SH3TC1: variants seen among roughly 807,000 people sequenced by gnomAD.
SH3TC1 encodes the protein SH3 domain and tetratricopeptide repeats 1.
A neutral mutation model predicts 117.3 loss-of-function variants in SH3TC1; 135 were observed. The ratio of observed to expected loss-of-function variants is 1.15; its 90% confidence interval spans 1.00 to 1.33. The LOEUF is 1.33. Ranked by LOEUF, SH3TC1 falls within the 40% of genes most tolerant of loss-of-function variation. The probability of loss-of-function intolerance (pLI) is 0.00; values close to 1 mark genes in which losing one functional copy is unlikely to be tolerated. For missense variants in SH3TC1, 2,092 were observed against 1,794.3 expected (o/e 1.17, Z -3.00); for synonymous variants, 898 against 816.9 (o/e 1.10, Z -1.69).
Position 8,205,252 on chromosome 4 carries a change from G to A in SH3TC1, c.58G>A (p.Val20Met). The A allele has an allele frequency of 2.6e-6, 4 of 1,550,564 alleles. No individual in the cohort carries two copies. The highest frequency in any genetic ancestry group is 3.5e-6 in the Non-Finnish European group (4 of 1,147,146). ...EEPTPMGRGP[V>M]GPSGGGSTRD... ...GCCGACCCCCATGGGGAGGGGTCCT[G>A]TGGGACCCTCAGGAGGTGGCAGCAC... is the stretch of plus-strand genomic sequence containing the variant. The change falls in exon 2 of 18, where the codon GTG (valine) becomes ATG (methionine). Residue 20 changes from valine to methionine, a missense_variant. Transcript: ENST00000245105. The surrounding 1 kb of genome is among the most constrained non-coding windows in gnomAD (Gnocchi z 5.4).
intron 16 of SH3TC1, chr4:8,236,653 T>TC (rs1013525259): frequency 8.3e-6 from 4 of 479,756 alleles, no homozygotes; most frequent in African/African-American, 8.1e-5. Flanking sequence ...CTGTGCCTCT[T>TC]CCCCCTGCTG....
chr4:8,185,186 A>G (rs1233180936), intron 1 of SH3TC1, among the ~76,000 whole-genome samples: 1 of 152,028 alleles, frequency 6.6e-6, no homozygotes, highest in Non-Finnish European at 1.5e-5. Flanking sequence ...AAATACAAAA[A>G]TTAGCCAGGA....
At chr4:8,235,305 G>A in intron 14 of SH3TC1, 128 bp from the exon 15 acceptor site, 3 of 1,184,502 alleles carry the variant, frequency 2.5e-6, no homozygotes, top group South Asian at 5.6e-5. Context: ...TAATGCACAG[G>A]GTCTGAAAAA....
chr4:8,216,189 C>A lies in SH3TC1; in HGVS notation c.560C>A (p.Thr187Lys). 6.2e-7 allele frequency: 1 copy of A among 1,613,842 alleles called. No homozygotes were observed. The highest frequency in any genetic ancestry group is 8.5e-7 in the Non-Finnish European group (1 of 1,180,012). ...WLLLPSEEEE[T>K]AIQVHVDENA... is the part of the protein sequence containing the mutation. ...CTCTTGCCCAGTGAGGAGGAGGAGA[C>A]GGCCATCCAAGTCCATGTGGATGAG... The change falls in exon 6 of 18, where the codon ACG (threonine) becomes AAG (lysine). Residue 187 changes from threonine to lysine, a missense_variant. Physicochemically the swap from Thr to Lys is moderately conservative, Grantham distance 78. Transcript: ENST00000245105.
chr4:8,232,637 G>A lies in SH3TC1; in HGVS notation c.3131+481G>A. On this transcript the variant is annotated intron_variant, in intron 13 of 17. Coordinates refer to ENST00000245105, the MANE Select transcript of SH3TC1 (RefSeq NM_018986.5). ...TTTCAAGGTCTCACATCCCACATGTGGCCCACTTGGCTCTCCTGGAGCATC... is the reference window on the plus strand; with the variant it reads ...TTTCAAGGTCTCACATCCCACATGTAGCCCACTTGGCTCTCCTGGAGCATC... The A allele has an allele frequency of 1.0e-5, 13 of 1,306,444 alleles. No individual in the cohort carries two copies. The South Asian group carries it at 1.6e-4, about 16-fold the overall frequency. The allele number at this position is 1,306,444 out of a possible 1,614,324, so 80.9% of individuals were successfully genotyped here.
chr4:8,218,115 C>G, intron 7 of SH3TC1, 156 bp from the exon 8 acceptor site: 1 of 486,046 alleles, frequency 2.1e-6, no homozygotes, highest in East Asian at 3.2e-5. Flanking sequence ...CCTGGGCAGG[C>G]ATGTGTGTGT....
In SH3TC1 at chr4:8,228,532, C is replaced by T. The variant is rs778112970; in HGVS notation, c.2838C>T (p.Thr946=). 3 of 1,611,142 alleles carry T rather than the reference C, an allele frequency of 1.9e-6. No individual in the cohort carries two copies. The highest frequency in any genetic ancestry group is 3.3e-5 in the Admixed American group (2 of 59,906). Residue 946 remains threonine, a synonymous_variant, in exon 12 of 18, where the codon ACC becomes ACT. Coordinates refer to ENST00000245105, the MANE Select transcript of SH3TC1 (RefSeq NM_018986.5). ...TTGGGGAGTGTGGCCGGGACTTCAC[C>T]CACGTGCTCCTGCAGCTGGGCCATC... ...LPLGECGRDF[T]HVLLQLGHLC... is the part of the protein sequence containing the mutation.
Position 8,190,475 on chromosome 4 carries a change from C to G in SH3TC1, c.-57+8265C>G, listed in dbSNP as rs918630441. Among the ~76,000 whole-genome samples, 1 of 152,168 alleles carries G rather than the reference C, an allele frequency of 6.6e-6. No individual in the cohort carries two copies. Among genetic ancestry groups the G allele is most frequent in the Admixed American group, 6.5e-5 (1 of 15,280 alleles). On this transcript the variant is annotated intron_variant, in intron 1 of 16. Transcript: ENST00000508641. The surrounding 1 kb of genome is among the most constrained non-coding windows in gnomAD (Gnocchi z 4.7). ...GATTGGAGGTCCTGGGGGGACTCAT[C>G]TGTAAGCTGGGATCTGATGTCCCCG... is the stretch of plus-strand genomic sequence containing the variant.
chr4:8,198,822 C>G (rs1417344709), upstream of SH3TC1, among the ~76,000 whole-genome samples: 1 of 152,214 alleles, frequency 6.6e-6, no homozygotes, highest in African/African-American at 2.4e-5. Context: ...TGTGTGCATA[C>G]GTGTGCCTGT....
Position 8,219,341 on chromosome 4 carries a change from G to A in SH3TC1, c.923G>A (p.Gly308Asp), listed in dbSNP as rs1225552270. 10 of 1,589,420 alleles carry A rather than the reference G, an allele frequency of 6.3e-6. No homozygotes were observed. Among genetic ancestry groups the A allele is most frequent in the African/African-American group, 1.3e-5 (1 of 74,506 alleles). ...VMPGNPLMAV[G>D]LASALADFQG... The stretch of plus-strand genomic sequence containing the variant: ...ATGTGGCTTTCTTCCGCAGCTGTGG[G>A]CCTGGCCTCGGCATTGGCAGACTTC... Residue 308 changes from glycine to aspartate, a missense_variant, in exon 9 of 18, where the codon GGC (glycine) becomes GAC (aspartate). By Grantham distance (94) the Gly-to-Asp change is moderately conservative. Transcript: ENST00000245105.
At position 8,222,738 on chromosome 4, in the gene SH3TC1, C is replaced by T. The variant is rs578238798; in HGVS notation, c.1113-102C>T. The T allele has an allele frequency of 1.6e-4, 224 of 1,443,776 alleles. 3 individuals carry two copies. In the African/African-American group the frequency reaches 2.2e-3, roughly 14 times the overall value. The allele number at this position is 1,443,776 out of a possible 1,614,324, so 89.4% of individuals were successfully genotyped here. Reference sequence around the variant, plus strand: ...TACCCCTGGGCAGAGAGTAGTGCTCCGAGACTATCTGTCTGTCAAATCAAG... The same window carrying T: ...TACCCCTGGGCAGAGAGTAGTGCTCTGAGACTATCTGTCTGTCAAATCAAG... On this transcript the variant is annotated intron_variant, in intron 9 of 17. Transcript: ENST00000245105.
chr4:8,228,484 G>A lies in SH3TC1; in HGVS notation c.2790G>A (p.Val930=). 1 of 1,610,778 alleles carries A rather than the reference G, an allele frequency of 6.2e-7. No homozygotes were observed. Among genetic ancestry groups the A allele is most frequent in the South Asian group, 1.1e-5 (1 of 90,852 alleles). The part of the protein sequence containing the change: ...RLAQHYLLEA[V]RLFSRLPLGE... The stretch of plus-strand genomic sequence containing the variant: ...CCCAGCACTACCTCCTGGAGGCCGT[G>A]CGGCTGTTCTCGAGGCTGCCCCTTG... Residue 930 remains valine, a synonymous_variant, in exon 12 of 18, where the codon GTG becomes GTA. Coordinates refer to ENST00000245105, the MANE Select transcript of SH3TC1 (RefSeq NM_018986.5).
chr4:8,239,421 C>T (rs1053463956), intron 17 of SH3TC1, among the ~76,000 whole-genome samples: 20 of 134,336 alleles, frequency 1.5e-4, no homozygotes, highest in African/African-American at 4.3e-4. Context: ...CACAAATACA[C>T]AGGCACATGC....
rs1720633711 is a variant in SH3TC1 at position 8,227,661 on chromosome 4, T to G, written c.1967T>G (p.Val656Gly). 4 of 1,528,884 alleles carry G rather than the reference T, an allele frequency of 2.6e-6. No individual in the cohort carries two copies. Among genetic ancestry groups the G allele is most frequent in the Non-Finnish European group, 3.5e-6 (4 of 1,139,512 alleles). 94.7% of individuals were successfully genotyped at this position (1,528,884 alleles called of 1,614,324 possible). A position where few individuals can be genotyped will look rare whatever the true frequency, so the allele number is the denominator to read the frequency against. Reference sequence around the variant, plus strand: ...CTGCAGCTGGCGCTGCGGCGGGCGGTGGGTGGCCAGAGCCTGCAGGCCGAG... The same window carrying G: ...CTGCAGCTGGCGCTGCGGCGGGCGGGGGGTGGCCAGAGCCTGCAGGCCGAG... ...ELLQLALRRA[V>G]GGQSLQAEAR... Residue 656 changes from valine (V) to glycine (G), a missense_variant, in exon 12 of 18, where the codon GTG becomes GGG. Val to Gly is a moderately radical substitution (Grantham distance 109). Coordinates refer to ENST00000245105, the MANE Select transcript of SH3TC1 (RefSeq NM_018986.5).
intron 1 of SH3TC1, among the ~76,000 whole-genome samples, chr4:8,202,972 G>A (rs1410201383): frequency 6.6e-6 from 1 of 152,218 alleles, no homozygotes; most frequent in African/African-American, 2.4e-5. Flanking sequence ...TGGGGCCTGG[G>A]AGGCCAGTTC....
intron 12 of SH3TC1, chr4:8,229,154 CAG>C (rs60835829): frequency 0.016 from 2,413 of 154,218 alleles, 44 homozygotes; most frequent in African/African-American, 0.05. Context: ...GCTCGTTGTG[CAG>C]AGTGTGCCAC....
At position 8,209,278 on chromosome 4, in the gene SH3TC1, A is replaced by C. The variant is rs907509095; in HGVS notation, c.173-470A>C. On this transcript the variant is annotated intron_variant, in intron 2 of 17. Transcript: ENST00000245105. This position sits in a 1 kb window ranked among gnomAD's most constrained non-coding sequence, Gnocchi z 5.9. ...TCCCGGATGCTCCAGTGGGCCCTCC[A>C]TGGAATCACAGGGCTTTTGTAGGAG... 6.6e-6 allele frequency among the ~76,000 whole-genome samples: 1 copy of C among 152,200 alleles called. No homozygotes were observed. Among genetic ancestry groups the C allele is most frequent in the Non-Finnish European group, 1.5e-5 (1 of 68,040 alleles).
rs922521 is a variant in SH3TC1 at position 8,206,083 on chromosome 4, C to T, written c.172+717C>T. The T allele has an allele frequency of 0.38, 72,824 of 192,224 alleles. 14,162 individuals carry two copies. The highest frequency in any genetic ancestry group is 0.5 in the Middle Eastern group (234 of 468). The allele number at this position is 192,224 out of a possible 1,614,324, so 11.9% of individuals were successfully genotyped here. On this transcript the variant is annotated intron_variant, in intron 2 of 17. Transcript: ENST00000245105. The surrounding 1 kb of genome is among the most constrained non-coding windows in gnomAD (Gnocchi z 5.5). ...GCTTGGCACATGGTAGGTGCTTCGT[C>T]ACTGTTCAAGGGATTGATGAATGAA...
chr4:8,229,525 G>A (rs1316787512), intron 12 of SH3TC1, among the ~76,000 whole-genome samples: 2 of 143,992 alleles, frequency 1.4e-5, no homozygotes, highest in East Asian at 4.3e-4. Context: ...GAGCGGGGAT[G>A]AGTGGGGTGT....
Sources: allele counts gnomAD v4.1 joint callset (sites outside exome capture counted in the v4.1 genomes callset), GRCh38; gene constraint gnomAD v4.1.1; non-coding constraint Gnocchi (gnomAD v3.1); transcripts MANE v1.5; gene names NCBI Gene and HGNC (gene_info 2026-07-23, HGNC 2026-07-21).